Variants in SLC12A9 observed in about 807,000 individuals in gnomAD.
The protein encoded by SLC12A9 is solute carrier family 12 member 9.
In SLC12A9, 55 loss-of-function variants were observed where a neutral mutation model predicts 66.0. The observed-to-expected ratio is 0.83, with a 90% confidence interval of 0.67 to 1.04. The LOEUF is 1.04. Ranked by LOEUF, SLC12A9 falls within the 50% of genes least tolerant of loss-of-function variation. SLC12A9 has a pLI of 0.00. For missense variants in SLC12A9, 1,061 were observed against 1,241.9 expected (o/e 0.85, Z 2.19); for synonymous variants, 577 against 569.0 (o/e 1.01, Z -0.20).
At chr7:100,863,961 A>G (rs1312065207) in intron 13 of SLC12A9, among the ~76,000 whole-genome samples, 1 of 152,132 alleles carries the variant, frequency 6.6e-6, no homozygotes, top group Non-Finnish European at 1.5e-5. Context: ...TCATTGACCC[A>G]CAGAACATCT....
chr7:100,853,575 T>TA (rs1554426470), intron 1 of SLC12A9: 2 of 151,198 alleles, frequency 1.3e-5, no homozygotes, highest in East Asian at 1.9e-4. Context: ...TTTTTTTTTT[T>TA]ATTGACACAG....
At chr7:100,854,447 T>C (rs1458106050) in intron 2 of SLC12A9, 69 bp downstream of exon 2, 1 of 1,594,404 alleles carries the variant, frequency 6.3e-7, no homozygotes, top group Non-Finnish European at 8.5e-7. Flanking sequence ...GGGGTGGAGA[T>C]GGGACTGGGA....
chr7:100,858,787 C>T (rs774820908), intron 5 of SLC12A9, 48 bp from the exon 6 acceptor site: 9 of 1,591,504 alleles, frequency 5.7e-6, no homozygotes, highest in African/African-American at 1.3e-5. Flanking sequence ...GGCCTGGATC[C>T]CTGAGACGGA....
Position 100,861,172 on chromosome 7 carries a change from CT to C in SLC12A9, c.1254del (p.Ala419LeufsTer19). 6.2e-7 allele frequency: 1 copy of C among 1,614,184 alleles called. No homozygotes were observed. The highest frequency in any genetic ancestry group is 8.5e-7 in the Non-Finnish European group (1 of 1,180,022). ...CTGGCTGGGAAGCTGAACACACTGG[CT>C]GCTGTGGTCACTGTCTTCTACCTGG... ...VLLAGKLNTL[A>X]AVVTVFYLVA... On this transcript the variant is annotated frameshift_variant, in exon 10 of 14. Coordinates refer to ENST00000354161, the MANE Select transcript of SLC12A9 (RefSeq NM_020246.4). LOFTEE classifies it high-confidence loss of function. The surrounding 1 kb of genome is among the most constrained non-coding windows in gnomAD (Gnocchi z 5.3).
intron 1 of SLC12A9, among the ~76,000 whole-genome samples, chr7:100,841,003 T>TAA (rs754454235): frequency 2.9e-5 from 4 of 139,170 alleles, no homozygotes; most frequent in African/African-American, 7.8e-5. Context: ...AAAAAAAAAG[T>TAA]AAAAAAAAAA....
upstream of SLC12A9, among the ~76,000 whole-genome samples, chr7:100,849,321 T>C (rs1268422898): frequency 6.7e-6 from 1 of 150,344 alleles, no homozygotes; most frequent in Non-Finnish European, 1.5e-5. Flanking sequence ...CACAGCTCAC[T>C]GCACCCTCAA....
chr7:100,830,158 C>T (rs752669196), intron 1 of SLC12A9, among the ~76,000 whole-genome samples: 15 of 152,114 alleles, frequency 9.9e-5, no homozygotes, highest in Non-Finnish European at 7.3e-5. Context: ...TCGAGACCAG[C>T]CTGGCCAACA....
rs375877082 is a variant in SLC12A9, at chr7:100,859,866, T to A, written c.978-19T>A. 10 of 1,586,472 alleles carry A rather than the reference T, an allele frequency of 6.3e-6. No homozygotes were observed. Among genetic ancestry groups the A allele is most frequent in the Non-Finnish European group, 8.6e-6 (10 of 1,159,108 alleles). On this transcript the variant is annotated intron_variant, in intron 7 of 13. Transcript: ENST00000354161. ...CCGTGACGCATGATCATCCGTGTCCTCCTTTTCCTCCTTCCTAGGACCCTG... is the reference window on the plus strand; with the variant it reads ...CCGTGACGCATGATCATCCGTGTCCACCTTTTCCTCCTTCCTAGGACCCTG...
Position 100,861,606 on chromosome 7 carries a change from G to A in SLC12A9, c.1536+22G>A, listed in dbSNP as rs1225441403. ...CCAGGTATGGGGAGCTGGTGGGGCG[G>A]TGGGGAAATGGGAGGTGGTCAAAGA... On this transcript the variant is annotated intron_variant, in intron 11 of 13. Transcript: ENST00000354161. This position sits in a 1 kb window ranked among gnomAD's most constrained non-coding sequence, Gnocchi z 5.3. 1.2e-6 allele frequency: 2 copies of A among 1,610,220 alleles called. No homozygotes were observed. Among genetic ancestry groups the A allele is most frequent in the East Asian group, 4.5e-5 (2 of 44,800 alleles).
intron 1 of SLC12A9, among the ~76,000 whole-genome samples, chr7:100,837,868 T>TTG (rs1562981221): frequency 2.2e-4 from 32 of 144,094 alleles, no homozygotes; most frequent in South Asian, 6.8e-4. Flanking sequence ...TTTTTTTTTT[T>TTG]TTTTTTTTTT....
At chr7:100,855,592 A>G (rs963002317) in intron 3 of SLC12A9, 114 bp from the exon 4 acceptor site, 3 of 1,443,204 alleles carry the variant, frequency 2.1e-6, no homozygotes, top group Non-Finnish European at 2.9e-6. Context: ...GACTTGGGCA[A>G]AGCCACATGG....
intron 1 of SLC12A9, among the ~76,000 whole-genome samples, chr7:100,831,372 C>T (rs314319): frequency 1.3e-5 from 2 of 151,850 alleles, no homozygotes; most frequent in Admixed American, 6.5e-5. Flanking sequence ...TTTTAGTAGA[C>T]GCGGGGTTTC....
intron 1 of SLC12A9, chr7:100,827,611 G>A (rs571960628): frequency 2.6e-5 from 4 of 152,434 alleles, no homozygotes; most frequent in African/African-American, 9.6e-5. Context: ...AGTGAGCCCC[G>A]GGCGCGCTGA....
At chr7:100,827,116 C>A in intron 1 of SLC12A9, 2 of 1,422,736 alleles carry the variant, frequency 1.4e-6, no homozygotes, top group Non-Finnish European at 1.9e-6. Context: ...CGGGTGGACG[C>A]CGATACTCCG....
In SLC12A9 at chr7:100,866,186, G is replaced by A; in HGVS notation, c.2326G>A (p.Glu776Lys). The A allele has an allele frequency of 6.2e-7, 1 of 1,612,120 alleles. No individual in the cohort carries two copies. The highest frequency in any genetic ancestry group is 1.1e-5 in the South Asian group (1 of 91,034). The change falls in exon 14 of 14, where the codon GAG becomes AAG. Residue 776 changes from glutamate to lysine, a missense_variant. By Grantham distance (56) the Glu-to-Lys change is moderately conservative. Transcript: ENST00000354161. This position sits in a 1 kb window ranked among gnomAD's most constrained non-coding sequence, Gnocchi z 7.3. ...LRIFLCLGPR[E>K]APGAAEGRLR... ...GATCTTCCTGTGCCTGGGGCCTCGG[G>A]AGGCGCCTGGGGCGGCCGAGGGGCG...
At chr7:100,856,369 G>C (rs1189060460) in intron 4 of SLC12A9, 1 of 161,962 alleles carries the variant, frequency 6.2e-6, no homozygotes, top group Non-Finnish European at 1.4e-5. Context: ...CACCACGCCT[G>C]GCTAATGTTT....
intron 1 of SLC12A9, among the ~76,000 whole-genome samples, chr7:100,835,059 C>T (rs1418112774): frequency 6.6e-6 from 1 of 151,368 alleles, no homozygotes; most frequent in African/African-American, 2.5e-5. Flanking sequence ...AATAAACAAA[C>T]AAAAGAGTGT....
chr7:100,832,057 CAAT>C (rs1227149806), intron 1 of SLC12A9, among the ~76,000 whole-genome samples: 1 of 152,138 alleles, frequency 6.6e-6, no homozygotes, highest in Non-Finnish European at 1.5e-5. Context: ...TTTTTATAAA[CAAT>C]GATGAAACCT....
At chr7:100,835,848 G>A (rs1227357043) in intron 1 of SLC12A9, among the ~76,000 whole-genome samples, 2 of 152,252 alleles carry the variant, frequency 1.3e-5, no homozygotes, top group Non-Finnish European at 2.9e-5. Context: ...GAGCTGATAA[G>A]AATGAGAGAA....
Sources: gnomAD v4.1 joint callset for allele counts (sites outside exome capture counted in the v4.1 genomes callset) on GRCh38, gnomAD v4.1.1 for gene constraint, Gnocchi (gnomAD v3.1) non-coding constraint, MANE v1.5 for transcripts, NCBI Gene and HGNC (gene_info 2026-07-23, HGNC 2026-07-21) for gene names.